SORBS2: variants seen among roughly 807,000 people sequenced by gnomAD.
The protein encoded by SORBS2 is sorbin and SH3 domain containing 2, also known as sorbin and SH3 domain-containing protein 2.
A neutral mutation model predicts 97.7 loss-of-function variants in SORBS2; 46 were observed. That is an observed-to-expected ratio of 0.47 (90% confidence interval 0.37 to 0.60). SORBS2 has a LOEUF of 0.60. Ranked by LOEUF, SORBS2 falls within the 20% of genes least tolerant of loss-of-function variation. SORBS2 has a pLI of 0.00. For missense variants in SORBS2, 1,316 were observed against 1,282.3 expected, an observed-to-expected ratio of 1.03 and a Z score of -0.40; for synonymous variants, 476 against 473.4, an observed-to-expected ratio of 1.01 and a Z score of -0.07.
chr4:185,863,757 A>T (rs1218363980), intron 1 of SORBS2, among the ~76,000 whole-genome samples: 1 of 152,188 alleles, frequency 6.6e-6, no homozygotes, highest in Non-Finnish European at 1.5e-5. Flanking sequence ...GTGAAAAATC[A>T]GCTTGTCCAT....
At position 185,828,522 on chromosome 4, in the gene SORBS2, G is replaced by T. The variant is rs138283387; in HGVS notation, c.-337-53156C>A. 3.3e-5 allele frequency among the ~76,000 whole-genome samples: 5 copies of T among 152,036 alleles called. No individual in the cohort carries two copies. In the East Asian group the frequency reaches 9.7e-4, roughly 29 times the overall value. On this transcript the variant is annotated intron_variant, in intron 1 of 20. Coordinates refer to the SORBS2 transcript ENST00000284776. ...AATGGCCTTCAAGAAATCCTTGAAG[G>T]CTCCTGGTCATTTCGTTTCTATAAT...
intron 1 of SORBS2, among the ~76,000 whole-genome samples, chr4:185,847,804 C>G (rs1053512231): frequency 1.2e-4 from 18 of 152,188 alleles, no homozygotes; most frequent in Non-Finnish European, 2.4e-4. Context: ...CTTAGGAGAT[C>G]TGTTCATCAG....
intron 1 of SORBS2, among the ~76,000 whole-genome samples, chr4:185,937,075 A>G (rs1212165970): frequency 6.6e-6 from 1 of 152,216 alleles, no homozygotes; most frequent in Non-Finnish European, 1.5e-5. Context: ...TATTTCAACA[A>G]TGACATTGAC....
At chr4:185,741,414 T>TC (rs2098725869) in intron 2 of SORBS2, among the ~76,000 whole-genome samples, 1 of 145,864 alleles carries the variant, frequency 6.9e-6, no homozygotes, top group Non-Finnish European at 1.5e-5. Flanking sequence ...GTTTTTTTTT[T>TC]TTTTTTTGAG....
At chr4:185,658,827 C>G (rs577934768), upstream of SORBS2, among the ~76,000 whole-genome samples, 1 of 150,856 alleles carries the variant, frequency 6.6e-6, no homozygotes, top group Non-Finnish European at 1.5e-5. Flanking sequence ...ACTACAGGTG[C>G]GTGCCACCAT....
chr4:185,820,653 G>T (rs1017011512), intron 1 of SORBS2, among the ~76,000 whole-genome samples: 2 of 152,298 alleles, frequency 1.3e-5, no homozygotes, highest in East Asian at 1.9e-4. Context: ...TGCAGACAGC[G>T]TCTCAGCCGA....
chr4:185,831,263 C>T (rs535904392), intron 1 of SORBS2, among the ~76,000 whole-genome samples: 1 of 152,266 alleles, frequency 6.6e-6, no homozygotes, highest in African/African-American at 2.4e-5. Flanking sequence ...ATTGCTCTGG[C>T]CAAATGTGGC....
chr4:185,890,542 C>T (rs918509794), intron 1 of SORBS2, among the ~76,000 whole-genome samples: 2 of 152,166 alleles, frequency 1.3e-5, no homozygotes, highest in African/African-American at 2.4e-5. Flanking sequence ...TCTTTAAGGC[C>T]GCCTCCACTC....
At chr4:185,673,010 T>C (rs1215423921) in intron 4 of SORBS2, among the ~76,000 whole-genome samples, 12 of 152,128 alleles carry the variant, frequency 7.9e-5, no homozygotes, top group Non-Finnish European at 1.8e-4. Flanking sequence ...ACGTGGTGTA[T>C]ACGCATACTA....
intron 1 of SORBS2, among the ~76,000 whole-genome samples, chr4:185,806,483 A>T: frequency 1.0e-5 from 1 of 100,192 alleles, no homozygotes. Context: ...TTTGAGACGG[A>T]GTCTCGCTCT....
chr4:185,782,519 A>G (rs980058747), intron 1 of SORBS2, among the ~76,000 whole-genome samples: 3 of 152,210 alleles, frequency 2.0e-5, no homozygotes, highest in African/African-American at 7.2e-5. Flanking sequence ...ATTTGTCTAT[A>G]TATTGCCTGG....
chr4:185,775,954 T>C (rs898297736), intron 1 of SORBS2: 1 of 152,212 alleles, frequency 6.6e-6, no homozygotes, highest in African/African-American at 2.4e-5. Context: ...TGGCAGAGAC[T>C]GGGGACCATT....
At chr4:185,669,997 T>C (rs2097685810) in intron 4 of SORBS2, among the ~76,000 whole-genome samples, 1 of 152,124 alleles carries the variant, frequency 6.6e-6, no homozygotes, top group South Asian at 2.1e-4. Flanking sequence ...GGCGGGCAGA[T>C]CACCTGAGGT....
chr4:185,598,744 A>G (rs970696135), intron 12 of SORBS2, among the ~76,000 whole-genome samples: 1 of 152,186 alleles, frequency 6.6e-6, no homozygotes, highest in Non-Finnish European at 1.5e-5. Flanking sequence ...TTATGTTTCT[A>G]GAGGCTTATT....
At chr4:185,874,065 G>T (rs1267864066) in intron 1 of SORBS2, among the ~76,000 whole-genome samples, 5 of 152,084 alleles carry the variant, frequency 3.3e-5, no homozygotes, top group Non-Finnish European at 5.9e-5. Context: ...TTCTGAAGTA[G>T]TCTTAGACAT....
At chr4:185,693,621 C>T (rs538716105) in intron 2 of SORBS2, among the ~76,000 whole-genome samples, 1 of 152,162 alleles carries the variant, frequency 6.6e-6, no homozygotes, top group East Asian at 1.9e-4. Flanking sequence ...AACCAGGCAA[C>T]GCTGTGCTTA....
chr4:185,687,105 C>T (rs1377804691), intron 2 of SORBS2, among the ~76,000 whole-genome samples: 1 of 151,998 alleles, frequency 6.6e-6, no homozygotes. Context: ...TGTAGTGATG[C>T]ATTTGGACCT....
At chr4:185,609,341 T>C (rs1159084671) in intron 12 of SORBS2, among the ~76,000 whole-genome samples, 2 of 152,220 alleles carry the variant, frequency 1.3e-5, no homozygotes, top group African/African-American at 4.8e-5. Flanking sequence ...GTTTCCACTT[T>C]CACTTTCTGT....
At chr4:185,854,320 G>A (rs534728475) in intron 1 of SORBS2, among the ~76,000 whole-genome samples, 60 of 152,148 alleles carry the variant, frequency 3.9e-4, no homozygotes, top group Non-Finnish European at 8.2e-4. Flanking sequence ...AACTCTAAGA[G>A]GTCACTGAAG....
Sources: gnomAD v4.1 joint callset for allele counts (sites outside exome capture counted in the v4.1 genomes callset) on GRCh38, gnomAD v4.1.1 for gene constraint, MANE v1.5 for transcripts, NCBI Gene and HGNC (gene_info 2026-07-23, HGNC 2026-07-21) for gene names.